Variants in APOBEC1 observed in about 807,000 individuals in gnomAD.
APOBEC1 encodes the protein C->U-editing enzyme APOBEC-1.
APOBEC1 carries 22 observed loss-of-function variants against 26.3 expected under a neutral mutation model. The observed-to-expected ratio is 0.84, with a 90% CI of 0.60 to 1.19. The LOEUF (loss-of-function observed/expected upper bound fraction) is 1.19. Ranked by LOEUF, APOBEC1 falls within the 50% of genes most tolerant of loss-of-function variation. The pLI is 0.00. For missense variants in APOBEC1, 253 were observed against 289.0 expected (o/e 0.88, Z 0.90); for synonymous variants, 77 against 95.3 (o/e 0.81, Z 1.12).
upstream of APOBEC1, among the ~76,000 whole-genome samples, chr12:7,667,626 T>C (rs1323395680): frequency 6.6e-6 from 1 of 151,858 alleles, no homozygotes; most frequent in African/African-American, 2.4e-5. Flanking sequence ...AGAATAAAAG[T>C]AGGTTAGGCC....
At chr12:7,663,216 T>A (rs991768568) in intron 1 of APOBEC1, among the ~76,000 whole-genome samples, 1 of 152,170 alleles carries the variant, frequency 6.6e-6, no homozygotes, top group Non-Finnish European at 1.5e-5. Context: ...TACCCTAGGC[T>A]GTGTGTGTAC....
chr12:7,663,181 ACTTC>A (rs981600702), intron 1 of APOBEC1, among the ~76,000 whole-genome samples: 1 of 152,102 alleles, frequency 6.6e-6, no homozygotes, highest in African/African-American at 2.4e-5. Flanking sequence ...TCTGGAAGAC[ACTTC>A]CTTTAAAACA....
Position 7,649,512 on chromosome 12 carries a change from G to T in APOBEC1, c.*35C>A, listed in dbSNP as rs777085968. 1 of 1,596,358 alleles carries T rather than the reference G, an allele frequency of 6.3e-7. No individual in the cohort carries two copies. Among genetic ancestry groups the T allele is most frequent in the African/African-American group, 1.3e-5 (1 of 74,456 alleles). ...ACTCTTTAGTGGGTCATCATTGCTTGTTCTTGAATCAGTACACACACGGAA... is the reference window on the plus strand; with the variant it reads ...ACTCTTTAGTGGGTCATCATTGCTTTTTCTTGAATCAGTACACACACGGAA... On this transcript the variant is annotated 3_prime_UTR_variant, in exon 5 of 5. Transcript: ENST00000229304.
At chr12:7,661,037 CAAAAAAAA>C in intron 1 of APOBEC1, among the ~76,000 whole-genome samples, 1 of 91,056 alleles carries the variant, frequency 1.1e-5, no homozygotes, top group African/African-American at 3.9e-5. Flanking sequence ...ACTAAAAATA[CAAAAAAAA>C]AAAAAAAAAA....
intron 3 of APOBEC1, among the ~76,000 whole-genome samples, chr12:7,651,913 C>A (rs1008185991): frequency 6.6e-6 from 1 of 150,858 alleles, no homozygotes. Context: ...CTCCGCCTCC[C>A]GGGTTCACGC....
chr12:7,652,535 G>A lies in APOBEC1; in HGVS notation c.345C>T (p.Tyr115=), dbSNP rs770833487. 19 of 1,614,176 alleles carry A rather than the reference G, an allele frequency of 1.2e-5. 1 individual carries two copies. The highest frequency in any genetic ancestry group is 1.6e-4 in the Middle Eastern group (1 of 6,062). ...SRHPGVTLVI[Y]VARLFWHMDQ... ...CCATGTGCCAAAAAAGCCGAGCTAC[G>A]TAGATCACTAGAGTCACACCAGGGT... The change falls in exon 3 of 5, where the codon TAC becomes TAT. Residue 115 remains tyrosine, a synonymous_variant. Coordinates refer to ENST00000229304, the MANE Select transcript of APOBEC1 (RefSeq NM_001644.5).
chr12:7,652,682 A>G lies in APOBEC1; in HGVS notation c.198T>C (p.Phe66=). ...CTCTTTCTGACGTAAATTTTTTTATAAAATTAACTTCCACGTGATTGGTGG... is the reference window on the plus strand; with the variant it reads ...CTCTTTCTGACGTAAATTTTTTTATGAAATTAACTTCCACGTGATTGGTGG... The part of the protein sequence containing the change: ...KNTTNHVEVN[F]IKKFTSERDF... The change falls in exon 3 of 5, where the codon TTT becomes TTC. Residue 66 remains phenylalanine (F), a synonymous_variant. Transcript: ENST00000229304. The G allele has an allele frequency of 6.2e-7, 1 of 1,614,104 alleles. No individual in the cohort carries two copies. The highest frequency in any genetic ancestry group is 8.5e-7 in the Non-Finnish European group (1 of 1,179,990).
upstream of APOBEC1, among the ~76,000 whole-genome samples, chr12:7,667,452 A>G (rs978976916): frequency 6.6e-6 from 1 of 152,024 alleles, no homozygotes; most frequent in African/African-American, 2.4e-5. Flanking sequence ...TACATACAAG[A>G]CTTTACTTAG....
chr12:7,652,763 G>A lies in APOBEC1; in HGVS notation c.117C>T (p.Leu39=). 1 of 1,614,054 alleles carries A rather than the reference G, an allele frequency of 6.2e-7. No individual in the cohort carries two copies. Among genetic ancestry groups the A allele is most frequent in the Non-Finnish European group, 8.5e-7 (1 of 1,180,026 alleles). Residue 39 remains leucine, a synonymous_variant, in exon 3 of 5, where the codon CTC becomes CTT. Transcript: ENST00000229304. ...PRELRKEACL[L]YEIKWGMSRK... Reference sequence around the variant, plus strand: ...GGCTCATGCCCCACTTGATTTCGTAGAGCAGACAGGCCTCTTTACGAAGTT... The same window carrying A: ...GGCTCATGCCCCACTTGATTTCGTAAAGCAGACAGGCCTCTTTACGAAGTT...
upstream of APOBEC1, among the ~76,000 whole-genome samples, chr12:7,666,554 C>T (rs1348706672): frequency 6.6e-6 from 1 of 152,076 alleles, no homozygotes; most frequent in Non-Finnish European, 1.5e-5. Context: ...CTCGTCCTCC[C>T]AAAGTGCTGG....
chr12:7,654,153 C>G (rs1311653017), intron 2 of APOBEC1, among the ~76,000 whole-genome samples: 1 of 151,756 alleles, frequency 6.6e-6, no homozygotes, highest in South Asian at 2.1e-4. Context: ...TCACTAATGG[C>G]TATAAAAGCA....
At chr12:7,667,566 G>C (rs1007765957), upstream of APOBEC1, among the ~76,000 whole-genome samples, 1 of 152,136 alleles carries the variant, frequency 6.6e-6, no homozygotes, top group African/African-American at 2.4e-5. Context: ...ATCAATAAAG[G>C]CCCTTCAGAG....
chr12:7,649,567 G>A lies in APOBEC1; in HGVS notation c.691C>T (p.Pro231Ser), dbSNP rs1385902903. Residue 231 changes from proline (P) to serine (S), a missense_variant, in exon 5 of 5, where the codon CCT becomes TCT. By Grantham distance (74) the Pro-to-Ser change is moderately conservative (BLOSUM62 -1). Transcript: ENST00000229304. The stretch of plus-strand genomic sequence containing the variant: ...CCTATTCATCTCCAAGCCACAGAAG[G>A]ATGTATCAGCCCTGTAGCTAAAAGG... ...HILLATGLIH[P>S]SVAWR 1 of 1,614,128 alleles carries A rather than the reference G, an allele frequency of 6.2e-7. No homozygotes were observed. Among genetic ancestry groups the A allele is most frequent in the Admixed American group, 1.7e-5 (1 of 59,990 alleles).
At chr12:7,666,991 A>T (rs1209633791), upstream of APOBEC1, among the ~76,000 whole-genome samples, 2 of 150,782 alleles carry the variant, frequency 1.3e-5, no homozygotes, top group African/African-American at 4.9e-5. Flanking sequence ...GGCTCACTGC[A>T]ACCTCTGCCT....
intron 1 of APOBEC1, 89 bp from the exon 2 acceptor site, chr12:7,654,721 A>G: frequency 8.3e-7 from 1 of 1,197,608 alleles, no homozygotes; most frequent in Non-Finnish European, 1.2e-6. Flanking sequence ...AAACCTCCAA[A>G]TCATCTCAGA....
chr12:7,663,276 T>C (rs1032945127), intron 1 of APOBEC1, among the ~76,000 whole-genome samples: 6 of 151,940 alleles, frequency 3.9e-5, no homozygotes, highest in Non-Finnish European at 7.4e-5. Context: ...GGTAGAGGAG[T>C]TGTAGAAAGG....
At chr12:7,662,090 C>T (rs951886791) in intron 1 of APOBEC1, among the ~76,000 whole-genome samples, 31 of 39,002 alleles carry the variant, frequency 7.9e-4, no homozygotes, top group South Asian at 1.2e-3. Flanking sequence ...AAAAACAAAA[C>T]AAAACAAAAC....
At chr12:7,655,246 C>T (rs1390764159) in intron 1 of APOBEC1, among the ~76,000 whole-genome samples, 1 of 152,008 alleles carries the variant, frequency 6.6e-6, no homozygotes, top group East Asian at 1.9e-4. Context: ...TGTGGTGGCT[C>T]ACGCCTGTAA....
intron 1 of APOBEC1, among the ~76,000 whole-genome samples, chr12:7,656,284 A>G (rs2136844067): frequency 6.6e-6 from 1 of 152,248 alleles, no homozygotes; most frequent in Middle Eastern, 3.4e-3. Context: ...TGGCCTACAA[A>G]CTAATCAGTG....
Sources: allele counts gnomAD v4.1 joint callset (sites outside exome capture counted in the v4.1 genomes callset), GRCh38; gene constraint gnomAD v4.1.1; transcripts MANE v1.5; gene names NCBI Gene and HGNC (gene_info 2026-07-23, HGNC 2026-07-21).